Variants in BAIAP2L2 observed in about 807,000 individuals in gnomAD.
BAIAP2L2 encodes BAR/IMD domain-containing adapter protein 2-like 2.
Under a neutral mutation model 60.4 loss-of-function variants are expected in BAIAP2L2, and 65 were observed. The ratio of observed to expected loss-of-function variants is 1.08; its 90% CI spans 0.88 to 1.32. The LOEUF is 1.32. Ranked by LOEUF, BAIAP2L2 falls within the 40% of genes most tolerant of loss-of-function variation. The pLI, the probability that BAIAP2L2 is intolerant of heterozygous loss-of-function variation, is 0.00. For synonymous variants in BAIAP2L2, 344 were observed against 301.7 expected (o/e 1.14, Z -1.45); for missense variants, 836 against 741.2 (o/e 1.13, Z -1.48).
At chr22:38,105,940 C>A (rs2086657482) in intron 4 of BAIAP2L2, among the ~76,000 whole-genome samples, 1 of 152,136 alleles carries the variant, frequency 6.6e-6, no homozygotes, top group African/African-American at 2.4e-5. Flanking sequence ...GGCCAGTGGA[C>A]CTGCCCAGTT....
chr22:38,095,956 CAA>C (rs2086417906), intron 7 of BAIAP2L2, among the ~76,000 whole-genome samples: 1 of 152,052 alleles, frequency 6.6e-6, no homozygotes, highest in African/African-American at 2.4e-5. Context: ...ACAGTTAGCT[CAA>C]GTTATCTAAA....
intron 10 of BAIAP2L2, 109 bp downstream of exon 10, chr22:38,088,639 A>G: frequency 1.8e-6 from 2 of 1,124,714 alleles, no homozygotes; most frequent in East Asian, 5.4e-5. Flanking sequence ...GCATTGTCCG[A>G]GGCCCCCGGG....
intron 7 of BAIAP2L2, among the ~76,000 whole-genome samples, chr22:38,096,072 G>T (rs1044376841): frequency 4.6e-5 from 7 of 152,066 alleles, no homozygotes; most frequent in Non-Finnish European, 1.0e-4. Context: ...AAACTCAAAA[G>T]TCAGTAACAG....
Position 38,104,509 on chromosome 22 carries a change from T to C in BAIAP2L2, c.276+3343A>G, listed in dbSNP as rs1357726228. 2.6e-5 allele frequency among the ~76,000 whole-genome samples: 4 copies of C among 151,858 alleles called. No individual in the cohort carries two copies. In the East Asian group the frequency reaches 5.8e-4, roughly 22 times the overall value. ...AGACTCAAATTTCTTTTTTTTTTTT[T>C]TTTTGAGACGGAGTATTGCTCTGTC... On this transcript the variant is annotated intron_variant, in intron 4 of 13. Coordinates refer to ENST00000381669, the MANE Select transcript of BAIAP2L2 (RefSeq NM_025045.6).
intron 4 of BAIAP2L2, among the ~76,000 whole-genome samples, chr22:38,104,621 G>A (rs990126151): frequency 1.3e-5 from 2 of 150,404 alleles, no homozygotes; most frequent in Non-Finnish European, 2.9e-5. Flanking sequence ...TCAGCCTCCC[G>A]AGTAGCTGGG....
At position 38,087,148 on chromosome 22, in the gene BAIAP2L2, T is replaced by TCATGGGTG. The variant is rs142739979; in HGVS notation, c.1234_1235insCACCCATG (p.Asn412ThrfsTer33). ...CCTGGAAGGCAGCTCGTTCCCGGGG[T>TCATGGGTG]TCATGGGTGTCATGGGGGACATGGA... On this transcript the variant is annotated frameshift_variant, in exon 11 of 14. Coordinates refer to ENST00000381669, the MANE Select transcript of BAIAP2L2 (RefSeq NM_025045.6). LOFTEE classifies it high-confidence loss of function. 4.4e-6 allele frequency: 7 copies of TCATGGGTG among 1,591,896 alleles called. No individual in the cohort carries two copies. In the African/African-American group the frequency reaches 6.8e-5, roughly 16 times the overall value.
At chr22:38,085,915 G>C (rs2086050845) in intron 12 of BAIAP2L2, among the ~76,000 whole-genome samples, 183 bp from the exon 13 acceptor site, 1 of 152,196 alleles carries the variant, frequency 6.6e-6, no homozygotes, top group Non-Finnish European at 1.5e-5. Context: ...TTGCAGAAGT[G>C]AGAAACCCCT....
chr22:38,086,146 T>C, intron 12 of BAIAP2L2, 96 bp downstream of exon 12: 1 of 1,349,206 alleles, frequency 7.4e-7, no homozygotes, highest in Non-Finnish European at 1.0e-6. Flanking sequence ...GGTAGGCGGG[T>C]CCCCTGCCAG....
Position 38,087,890 on chromosome 22 carries a change from AC to A in BAIAP2L2, c.1119-627del, listed in dbSNP as rs397824711. Among the ~76,000 whole-genome samples the A allele has an allele frequency of 4.2e-3, 484 of 115,822 alleles. 9 individuals are homozygous for A. The highest frequency in any genetic ancestry group is 0.011 in the African/African-American group (326 of 28,500). 76.0% of individuals were successfully genotyped at this position (115,822 alleles called of 152,430 possible). On this transcript the variant is annotated intron_variant, in intron 10 of 13. Coordinates refer to ENST00000381669, the MANE Select transcript of BAIAP2L2 (RefSeq NM_025045.6). ...CATGTCCCTAACCACCCAGTCAGTG[AC>A]CCCCCCCCCGCCATTTAAGGCCATC...
chr22:38,097,178 C>G lies in BAIAP2L2; in HGVS notation c.466G>C (p.Glu156Gln). 1.2e-6 allele frequency: 2 copies of G among 1,612,112 alleles called. No homozygotes were observed. Among genetic ancestry groups the G allele is most frequent in the Non-Finnish European group, 1.7e-6 (2 of 1,179,028 alleles). ...TGTGCGTGCAGCCGGTTCACACTCT[C>G]CTGGGGGGGAACGGGAGTTCTGGCT... ...KRDKNVREMKESVNRLHAQMQ... is the reference protein window; with the variant it reads ...KRDKNVREMKQSVNRLHAQMQ... Residue 156 changes from glutamate (E) to glutamine (Q), a missense_variant and splice_region_variant, in exon 7 of 14, where the codon GAG becomes CAG. Glu to Gln is a conservative substitution (Grantham distance 29). Coordinates refer to ENST00000381669, the MANE Select transcript of BAIAP2L2 (RefSeq NM_025045.6).
In BAIAP2L2 at chr22:38,086,765, G is replaced by A. The variant is rs879666507; in HGVS notation, c.1260-316C>T. On this transcript the variant is annotated intron_variant, in intron 11 of 13. Coordinates refer to ENST00000381669, the MANE Select transcript of BAIAP2L2 (RefSeq NM_025045.6). Reference sequence around the variant, plus strand: ...AATCCCAGCACTTTGGGAGACCGAGGTGGGTGGATCACCTGAGGTCAGGAG... The same window carrying A: ...AATCCCAGCACTTTGGGAGACCGAGATGGGTGGATCACCTGAGGTCAGGAG... 1.2e-4 allele frequency among the ~76,000 whole-genome samples: 18 copies of A among 152,134 alleles called. 1 individual carries two copies. Among genetic ancestry groups the A allele is most frequent in the Non-Finnish European group, 2.4e-4 (16 of 68,024 alleles).
At chr22:38,109,850 CTT>C (rs2086765490) in intron 1 of BAIAP2L2, among the ~76,000 whole-genome samples, 1 of 151,760 alleles carries the variant, frequency 6.6e-6, no homozygotes, top group East Asian at 2.0e-4. Context: ...TGTTTAACCT[CTT>C]TGGTCTCAGT....
At chr22:38,106,872 G>A (rs925760041) in intron 4 of BAIAP2L2, among the ~76,000 whole-genome samples, 3 of 152,158 alleles carry the variant, frequency 2.0e-5, no homozygotes, top group Non-Finnish European at 4.4e-5. Flanking sequence ...CTGAAGCCCT[G>A]CTTGGCGGAA....
chr22:38,104,744 C>T (rs1185279963), intron 4 of BAIAP2L2, among the ~76,000 whole-genome samples: 4 of 152,270 alleles, frequency 2.6e-5, no homozygotes, highest in South Asian at 4.1e-4. Context: ...GATCCGCCTG[C>T]CTTGGCCTCC....
At chr22:38,086,086 CA>C (rs1601980020) in intron 12 of BAIAP2L2, among the ~76,000 whole-genome samples, 155 bp downstream of exon 12, 2 of 152,220 alleles carry the variant, frequency 1.3e-5, no homozygotes, top group Admixed American at 6.5e-5. Context: ...AGCCCAGACT[CA>C]GCCCCACACC....
chr22:38,104,295 G>T (rs1411275834), intron 4 of BAIAP2L2, among the ~76,000 whole-genome samples: 3 of 152,172 alleles, frequency 2.0e-5, no homozygotes, highest in African/African-American at 7.2e-5. Flanking sequence ...GAAGAACTCA[G>T]TAGCCCCTCT....
rs201140269 is a variant in BAIAP2L2, at chr22:38,088,861, G to C, written c.1005C>G (p.His335Gln). 6.3e-7 allele frequency: 1 copy of C among 1,595,994 alleles called. No homozygotes were observed. Among genetic ancestry groups the C allele is most frequent in the Non-Finnish European group, 8.5e-7 (1 of 1,178,372 alleles). Reference protein sequence around the residue: ...GARRVRALVSHSEGANHTLLR... With the variant: ...GARRVRALVSQSEGANHTLLR... ...GCAGCGTGTGGTTGGCGCCCTCCGA[G>C]TGGGAGACCAGGGCGCGGACTCTCC... The change falls in exon 10 of 14, where the codon CAC becomes CAG. Residue 335 changes from histidine (H) to glutamine (Q), a missense_variant. Coordinates refer to ENST00000381669, the MANE Select transcript of BAIAP2L2 (RefSeq NM_025045.6).
intron 4 of BAIAP2L2, among the ~76,000 whole-genome samples, chr22:38,099,729 A>G (rs2086525519): frequency 6.6e-6 from 1 of 152,086 alleles, no homozygotes; most frequent in Admixed American, 6.6e-5. Flanking sequence ...CATGGGACAC[A>G]AGAGGTGCTT....
intron 2 of BAIAP2L2, among the ~76,000 whole-genome samples, chr22:38,108,818 T>C (rs1280331387): frequency 6.6e-6 from 1 of 151,594 alleles, no homozygotes; most frequent in Admixed American, 6.6e-5. Context: ...CGCCTAGAAA[T>C]GTATGCACTG....
Sources: allele counts gnomAD v4.1 joint callset (sites outside exome capture counted in the v4.1 genomes callset), GRCh38; gene constraint gnomAD v4.1.1; transcripts MANE v1.5; gene names NCBI Gene and HGNC (gene_info 2026-07-23, HGNC 2026-07-21).